CDV3: variants seen among roughly 807,000 people sequenced by gnomAD.
CDV3 encodes CDV3 homolog, also known as protein CDV3 homolog.
CDV3 carries 14 observed loss-of-function variants against 24.5 expected under a neutral mutation model. That is an observed-to-expected ratio of 0.57 (90% CI 0.38 to 0.89). CDV3 has a LOEUF of 0.89. CDV3 is among the 40% of genes least tolerant of loss of function. The pLI is 0.00. For missense variants in CDV3, 304 were observed against 310.2 expected, an observed-to-expected ratio of 0.98 and a Z score of 0.15; for synonymous variants, 114 against 114.1, an observed-to-expected ratio of 1.00 and a Z score of 0.00.
intron 2 of CDV3, among the ~76,000 whole-genome samples, chr3:133,576,803 C>G (rs2074823942): frequency 1.5e-5 from 2 of 133,440 alleles, no homozygotes; most frequent in African/African-American, 2.8e-5. Context: ...TCAGCTAGTA[C>G]AAGCATTTAA....
Position 133,574,161 on chromosome 3 carries a change from C to A in CDV3, c.117C>A (p.Gly39=), listed in dbSNP as rs982469098. 7 of 1,150,374 alleles carry A rather than the reference C, an allele frequency of 6.1e-6. No homozygotes were observed. Among genetic ancestry groups the A allele is most frequent in the Admixed American group, 3.1e-5 (1 of 32,348 alleles). The allele number at this position is 1,150,374 out of a possible 1,614,324, so 71.3% of individuals were successfully genotyped here. A position where few individuals can be genotyped will look rare whatever the true frequency, so the allele number is the denominator to read the frequency against. ...ASAAGAAGSA[G]GSSGAAGAAG... ...CCGCGGGCGCAGCGGGCAGCGCCGG[C>A]GGAAGCAGTGGAGCCGCGGGTGCGG... Residue 39 remains glycine (G), a synonymous_variant, in exon 1 of 5, where the codon GGC becomes GGA. Transcript: ENST00000264993.
chr3:133,581,548 T>A (rs1368367449), intron 2 of CDV3, among the ~76,000 whole-genome samples: 1 of 152,194 alleles, frequency 6.6e-6, no homozygotes, highest in Non-Finnish European at 1.5e-5. Context: ...TAGTGCTGAT[T>A]ATTATGGGGT....
chr3:133,585,916 C>T (rs1933552524), intron 3 of CDV3, among the ~76,000 whole-genome samples: 1 of 152,124 alleles, frequency 6.6e-6, no homozygotes, highest in African/African-American at 2.4e-5. Context: ...GGTAGGGAAA[C>T]AGGACTAAAG....
At chr3:133,587,745 AAT>A (rs747181679) in intron 4 of CDV3, 149 bp from the exon 5 acceptor site, 58 of 1,417,772 alleles carry the variant, frequency 4.1e-5, no homozygotes, top group Non-Finnish European at 5.2e-5. Flanking sequence ...GAAGCCTTAA[AAT>A]GGTTTGATAA....
chr3:133,577,936 C>CT (rs1431892071), intron 2 of CDV3, among the ~76,000 whole-genome samples: 1 of 152,164 alleles, frequency 6.6e-6, no homozygotes, highest in African/African-American at 2.4e-5. Flanking sequence ...ATAAAGGAGG[C>CT]TGTCATTTGA....
intron 3 of CDV3, among the ~76,000 whole-genome samples, chr3:133,586,313 C>T (rs1933593935): frequency 6.6e-6 from 1 of 152,072 alleles, no homozygotes; most frequent in Non-Finnish European, 1.5e-5. Flanking sequence ...CCCAGCTGGT[C>T]TTGAACTCCT....
chr3:133,579,754 A>T (rs952475942), intron 2 of CDV3, among the ~76,000 whole-genome samples: 2 of 152,032 alleles, frequency 1.3e-5, no homozygotes, highest in Non-Finnish European at 2.9e-5. Context: ...CACCACGCCT[A>T]GCTAATTTTT....
intron 3 of CDV3, among the ~76,000 whole-genome samples, chr3:133,584,773 T>C (rs145038302): frequency 6.6e-6 from 1 of 152,302 alleles, no homozygotes; most frequent in African/African-American, 2.4e-5. Context: ...AGTTGCTTCT[T>C]ATGGAATGAA....
In CDV3 at chr3:133,582,180, G is replaced by C. The variant is rs12491777; in HGVS notation, c.318-1822G>C. On this transcript the variant is annotated intron_variant, in intron 2 of 4. Coordinates refer to ENST00000264993, the MANE Select transcript of CDV3 (RefSeq NM_017548.5). The stretch of plus-strand genomic sequence containing the variant: ...ATTTTTTATTTTTTATTTTTGACAC[G>C]GAGTCTCGCTCTGTCACCCAGGCTG... Among the ~76,000 whole-genome samples, 47 of 151,928 alleles carry C rather than the reference G, an allele frequency of 3.1e-4. 1 individual carries two copies. In the East Asian group the frequency reaches 7.9e-3, roughly 26 times the overall value.
chr3:133,577,486 G>C (rs931508547), intron 2 of CDV3, among the ~76,000 whole-genome samples: 1 of 151,714 alleles, frequency 6.6e-6, no homozygotes, highest in Admixed American at 6.6e-5. Flanking sequence ...TCAGCCTTCC[G>C]AGTAGCTGGG....
chr3:133,584,547 C>T (rs1461015609), intron 3 of CDV3, among the ~76,000 whole-genome samples: 2 of 151,966 alleles, frequency 1.3e-5, no homozygotes, highest in African/African-American at 4.8e-5. Flanking sequence ...TGGTAACTAC[C>T]CTAGGGTTGG....
chr3:133,587,224 T>G, intron 4 of CDV3: 1 of 1,312,916 alleles, frequency 7.6e-7, no homozygotes, highest in South Asian at 2.4e-5. Flanking sequence ...CATCTTACTT[T>G]AGGGACATGA....
chr3:133,578,249 C>T (rs1576640077), intron 2 of CDV3, among the ~76,000 whole-genome samples: 2 of 152,136 alleles, frequency 1.3e-5, no homozygotes, highest in African/African-American at 4.8e-5. Context: ...AGGAATCACA[C>T]GCATGAGCTG....
rs1396010948 is a variant in CDV3 at position 133,589,814 on chromosome 3, G to C, written c.*1768G>C. 1 of 152,282 alleles carries C rather than the reference G, an allele frequency of 6.6e-6. No homozygotes were observed. Among genetic ancestry groups the C allele is most frequent in the African/African-American group, 2.4e-5 (1 of 41,448 alleles). The allele number at this position is 152,282 out of a possible 1,614,324, so 9.4% of individuals were successfully genotyped here. A position where few individuals can be genotyped will look rare whatever the true frequency, so the allele number is the denominator to read the frequency against. On this transcript the variant is annotated 3_prime_UTR_variant, in exon 5 of 5. Coordinates refer to ENST00000264993, the MANE Select transcript of CDV3 (RefSeq NM_017548.5). Reference sequence around the variant, plus strand: ...AGGATGCCTGCCTTCTAATATATTTGGGTGAGTAACTGAGCCAGCCAAGGG... The same window carrying C: ...AGGATGCCTGCCTTCTAATATATTTCGGTGAGTAACTGAGCCAGCCAAGGG...
chr3:133,578,575 T>C (rs2074903694), intron 2 of CDV3, among the ~76,000 whole-genome samples: 1 of 152,222 alleles, frequency 6.6e-6, no homozygotes, highest in Admixed American at 6.5e-5. Context: ...GAGATGTGCA[T>C]GGTGCTCTGG....
chr3:133,586,093 CTTTTCTT>C (rs919613729), intron 3 of CDV3, among the ~76,000 whole-genome samples: 5 of 151,416 alleles, frequency 3.3e-5, no homozygotes, highest in Non-Finnish European at 7.4e-5. Flanking sequence ...AATGTTTTCA[CTTTTCTT>C]TTTTCTTTTT....
intron 4 of CDV3, 87 bp from the exon 5 acceptor site, chr3:133,587,809 G>A: frequency 6.6e-7 from 1 of 1,512,932 alleles, no homozygotes. Context: ...CTTCTAAGGG[G>A]TGGCTTTTTT....
intron 2 of CDV3, among the ~76,000 whole-genome samples, chr3:133,578,248 A>G (rs1406504217): frequency 6.6e-6 from 1 of 152,194 alleles, no homozygotes; most frequent in East Asian, 1.9e-4. Context: ...AAGGAATCAC[A>G]CGCATGAGCT....
At chr3:133,580,721 C>G (rs1374547503) in intron 2 of CDV3, among the ~76,000 whole-genome samples, 1 of 151,852 alleles carries the variant, frequency 6.6e-6, no homozygotes, top group Non-Finnish European at 1.5e-5. Context: ...AAAATAGAGA[C>G]AGAGTCTCAC....
Sources: gnomAD v4.1 joint callset for allele counts (sites outside exome capture counted in the v4.1 genomes callset) on GRCh38, gnomAD v4.1.1 for gene constraint, MANE v1.5 for transcripts, NCBI Gene and HGNC (gene_info 2026-07-23, HGNC 2026-07-21) for gene names.